The following SCTR variants were observed in gnomAD, a reference collection of about 807,000 sequenced individuals.
SCTR encodes secretin receptor, also known as pancreatic secretin receptor.
In SCTR, 56 loss-of-function variants were observed where a neutral mutation model predicts 60.8. That is an observed-to-expected ratio of 0.92 (90% CI 0.74 to 1.15). The LOEUF (loss-of-function observed/expected upper bound fraction) is 1.15. Among genes scored for constraint, SCTR ranks in the 50% most tolerant of loss-of-function variants. The pLI, the probability that SCTR is intolerant of heterozygous loss-of-function variation, is 0.00. For synonymous variants in SCTR, 202 were observed against 217.0 expected (o/e 0.93, Z 0.61); for missense variants, 562 against 550.4 (o/e 1.02, Z -0.21).
intron 1 of SCTR, among the ~76,000 whole-genome samples, chr2:119,506,930 G>T (rs1236934749): frequency 6.6e-6 from 1 of 152,150 alleles, no homozygotes; most frequent in Admixed American, 6.6e-5. Flanking sequence ...TCTGTATCTT[G>T]ACTGCAGCAA....
intron 2 of SCTR, among the ~76,000 whole-genome samples, chr2:119,493,608 C>A (rs1349633155): frequency 6.6e-6 from 1 of 151,564 alleles, no homozygotes; most frequent in Non-Finnish European, 1.5e-5. Context: ...TCATTATAAT[C>A]CTGAAGAAGA....
intron 1 of SCTR, among the ~76,000 whole-genome samples, chr2:119,518,536 C>T (rs1679182853): frequency 6.6e-6 from 1 of 152,154 alleles, no homozygotes; most frequent in Admixed American, 6.5e-5. Context: ...TGACCCTCCC[C>T]AAATGCCATC....
At chr2:119,484,195 G>A (rs571614603) in intron 2 of SCTR, among the ~76,000 whole-genome samples, 1 of 152,138 alleles carries the variant, frequency 6.6e-6, no homozygotes, top group Non-Finnish European at 1.5e-5. Context: ...CACGAGGGAG[G>A]GGTCACCGCC....
chr2:119,520,195 A>T (rs1310413443), intron 1 of SCTR, among the ~76,000 whole-genome samples: 1 of 152,224 alleles, frequency 6.6e-6, no homozygotes, highest in Non-Finnish European at 1.5e-5. Context: ...CCCTCTCTGA[A>T]AAGTCATCAA....
intron 2 of SCTR, among the ~76,000 whole-genome samples, chr2:119,491,660 C>T (rs1294531464): frequency 6.6e-6 from 1 of 152,086 alleles, no homozygotes; most frequent in Non-Finnish European, 1.5e-5. Context: ...TACAGGCGCC[C>T]ACAACCACAC....
chr2:119,510,578 T>C (rs1678899984), intron 1 of SCTR, among the ~76,000 whole-genome samples: 1 of 152,198 alleles, frequency 6.6e-6, no homozygotes, highest in Non-Finnish European at 1.5e-5. Context: ...TGTGTATATG[T>C]ACACATATTG....
chr2:119,494,518 G>A lies in SCTR; in HGVS notation c.103C>T (p.Leu35=). The A allele has an allele frequency of 2.5e-6, 4 of 1,614,092 alleles. No homozygotes were observed. The highest frequency in any genetic ancestry group is 3.4e-6 in the Non-Finnish European group (4 of 1,179,964). Residue 35 remains leucine, a synonymous_variant, in exon 2 of 13, where the codon CTA becomes TTA. Transcript: ENST00000019103. ...TGALPRLCDV[L]QVLWEEQDQC... ...TCTTGCTCTTCCCACAGCACTTGTA[G>A]CACGTCACATAGTCGGGGAAGGGCT...
At chr2:119,450,746 G>GA (rs1558837044) in intron 9 of SCTR, among the ~76,000 whole-genome samples, 1 of 152,120 alleles carries the variant, frequency 6.6e-6, no homozygotes, top group Non-Finnish European at 1.5e-5. Flanking sequence ...GAGGCAGGCA[G>GA]ATCACTCGAG....
At chr2:119,486,014 G>C (rs891116680) in intron 2 of SCTR, 4 of 152,118 alleles carry the variant, frequency 2.6e-5, no homozygotes, top group African/African-American at 7.2e-5. Context: ...AAGTCAAGAA[G>C]GTGTCGCTCT....
rs75137725 is a variant in SCTR, at chr2:119,445,321, C to T, written c.1140+1438G>A. 5.9e-3 allele frequency among the ~76,000 whole-genome samples: 892 copies of T among 152,340 alleles called. 4 individuals carry two copies. Among genetic ancestry groups the T allele is most frequent in the African/African-American group, 0.02 (819 of 41,578 alleles). Reference sequence around the variant, plus strand: ...GTTACAAGAGCAGTGGTGAGGAAAGCTAGCTCCCTGGCCCCCAGGCCGAGA... The same window carrying T: ...GTTACAAGAGCAGTGGTGAGGAAAGTTAGCTCCCTGGCCCCCAGGCCGAGA... On this transcript the variant is annotated intron_variant, in intron 11 of 12. Transcript: ENST00000019103.
At chr2:119,518,655 T>C (rs1280346505) in intron 1 of SCTR, among the ~76,000 whole-genome samples, 1 of 152,190 alleles carries the variant, frequency 6.6e-6, no homozygotes, top group Non-Finnish European at 1.5e-5. Flanking sequence ...CTGAGTATTG[T>C]GGTTTTACCT....
rs764522430 is a variant in SCTR at position 119,478,906 on chromosome 2, A to T, written c.206T>A (p.Met69Lys). The T allele has an allele frequency of 6.2e-7, 1 of 1,614,166 alleles. No individual in the cohort carries two copies. Among genetic ancestry groups the T allele is most frequent in the Non-Finnish European group, 8.5e-7 (1 of 1,180,012 alleles). Residue 69 changes from methionine to lysine, a missense_variant, in exon 3 of 13, where the codon ATG (methionine) becomes AAG (lysine). By Grantham distance (95) the Met-to-Lys change is moderately conservative. Transcript: ENST00000019103. The part of the protein sequence containing the change: ...TEQPVPGCEG[M>K]WDNISCWPSS... ...GGGCCAGCAGCTTATGTTGTCCCAC[A>T]TCCCCTCACAACCTGCCAAGAAAAG...
intron 1 of SCTR, among the ~76,000 whole-genome samples, chr2:119,504,765 T>G (rs1323107173): frequency 1.3e-5 from 2 of 152,034 alleles, no homozygotes; most frequent in Admixed American, 1.3e-4. Flanking sequence ...AAAAACCATG[T>G]TAAGAAGATG....
chr2:119,441,973 C>T (rs1314140345), intron 11 of SCTR, among the ~76,000 whole-genome samples: 1 of 152,200 alleles, frequency 6.6e-6, no homozygotes, highest in African/African-American at 2.4e-5. Context: ...AGGGTGAGAC[C>T]CTGGGCCCTG....
chr2:119,495,102 G>A (rs539431308), intron 1 of SCTR, among the ~76,000 whole-genome samples: 2 of 73,930 alleles, frequency 2.7e-5, no homozygotes, highest in Non-Finnish European at 5.5e-5. Flanking sequence ...ACCATGCCTG[G>A]ATATAGATTT....
chr2:119,465,935 T>G, intron 4 of SCTR, 49 bp from the exon 5 acceptor site: 1 of 1,312,008 alleles, frequency 7.6e-7, no homozygotes, highest in Non-Finnish European at 1.1e-6. Context: ...TGGCTAGCTC[T>G]GCCTTCTGTG....
intron 6 of SCTR, among the ~76,000 whole-genome samples, chr2:119,462,592 C>T (rs758485561): frequency 3.0e-4 from 46 of 152,210 alleles, no homozygotes; most frequent in Non-Finnish European, 5.7e-4. Flanking sequence ...GGCATGTCCC[C>T]TGCAGGGATC....
intron 1 of SCTR, among the ~76,000 whole-genome samples, chr2:119,523,287 G>T (rs1573941110): frequency 6.6e-6 from 1 of 151,706 alleles, no homozygotes; most frequent in Non-Finnish European, 1.5e-5. Context: ...CCTTTCTGCT[G>T]GTCTGGGTGG....
chr2:119,497,424 T>A (rs1459338224), intron 1 of SCTR, among the ~76,000 whole-genome samples: 1 of 151,646 alleles, frequency 6.6e-6, no homozygotes, highest in East Asian at 1.9e-4. Context: ...AAAATGTCTA[T>A]CTTTCATCAT....
Sources: gnomAD v4.1 joint callset for allele counts (sites outside exome capture counted in the v4.1 genomes callset) on GRCh38, gnomAD v4.1.1 for gene constraint, MANE v1.5 for transcripts, NCBI Gene and HGNC (gene_info 2026-07-23, HGNC 2026-07-21) for gene names.